Variants in COL27A1 observed in about 807,000 individuals in gnomAD.
The protein encoded by COL27A1 is collagen alpha-1(XXVII) chain.
COL27A1 carries 106 observed loss-of-function variants against 251.3 expected under a neutral mutation model. The observed-to-expected ratio is 0.42, with a 90% CI of 0.36 to 0.50. The LOEUF is 0.50. Among genes scored for constraint, COL27A1 ranks in the 20% least tolerant of loss-of-function variants. The pLI, the probability that COL27A1 is intolerant of heterozygous loss-of-function variation, is 0.00. For missense variants in COL27A1, 2,325 were observed against 2,522.8 expected, an observed-to-expected ratio of 0.92 and a Z score of 1.68; for synonymous variants, 1,000 against 986.3, an observed-to-expected ratio of 1.01 and a Z score of -0.26.
chr9:114,251,758 A>T (rs1308869808), intron 25 of COL27A1, among the ~76,000 whole-genome samples: 1 of 152,138 alleles, frequency 6.6e-6, no homozygotes, highest in African/African-American at 2.4e-5. Context: ...GCTCTTCATT[A>T]TCCTTCAGCT....
chr9:114,309,326 C>T lies in COL27A1; in HGVS notation c.5284C>T (p.His1762Tyr). ...CCTGCTAAGCTCCGAGGTGACCCAG[C>T]ACATCACCATCCACTGCCTTAACAT... ...LHLLSSEVTQ[H>Y]ITIHCLNMTV... The change falls in exon 60 of 61, where the codon CAC becomes TAC. Residue 1762 changes from histidine (H) to tyrosine (Y), a missense_variant. By Grantham distance (83) the His-to-Tyr change is moderately conservative (BLOSUM62 2). Coordinates refer to ENST00000356083, the MANE Select transcript of COL27A1 (RefSeq NM_032888.4). The T allele has an allele frequency of 6.2e-7, 1 of 1,614,162 alleles. No homozygotes were observed. Among genetic ancestry groups the T allele is most frequent in the Non-Finnish European group, 8.5e-7 (1 of 1,180,038 alleles).
At chr9:114,265,622 C>T (rs1305006040) in intron 32 of COL27A1, 147 bp downstream of exon 32, 1 of 734,002 alleles carries the variant, frequency 1.4e-6, no homozygotes, top group Non-Finnish European at 2.2e-6. Context: ...TGGTGGCGAG[C>T]ACTAAGCCAG....
intron 7 of COL27A1, among the ~76,000 whole-genome samples, chr9:114,197,698 C>A (rs768290565): frequency 6.6e-6 from 1 of 152,176 alleles, no homozygotes; most frequent in Non-Finnish European, 1.5e-5. Flanking sequence ...CCAAGAGGAG[C>A]CAACTCACCT....
At chr9:114,250,092 CTG>C (rs917189106) in intron 24 of COL27A1, among the ~76,000 whole-genome samples, 1 of 152,222 alleles carries the variant, frequency 6.6e-6, no homozygotes, top group African/African-American at 2.4e-5. Context: ...CAGCGTGTGT[CTG>C]TGTGTGCACC....
At position 114,155,803 on chromosome 9, in the gene COL27A1, C is replaced by T. The variant is rs1848081103; in HGVS notation, c.-148C>T. 2 of 548,190 alleles carry T rather than the reference C, an allele frequency of 3.6e-6. No individual in the cohort carries two copies. Among genetic ancestry groups the T allele is most frequent in the Non-Finnish European group, 2.3e-6 (1 of 432,056 alleles). 34.0% of individuals were successfully genotyped at this position (548,190 alleles called of 1,614,324 possible). ...GCCCCAGCCGCGCTGCCTGCCTGCT[C>T]GGGCGCCCCTGGGCGCGGGGCTGCG... On this transcript the variant is annotated 5_prime_UTR_variant, in exon 1 of 61. Coordinates refer to ENST00000356083, the MANE Select transcript of COL27A1 (RefSeq NM_032888.4). The surrounding 1 kb of genome is among the most constrained non-coding windows in gnomAD (Gnocchi z 5.5).
At position 114,300,614 on chromosome 9, in the gene COL27A1, G is replaced by A; in HGVS notation, c.4639-11G>A. On this transcript the variant is annotated splice_polypyrimidine_tract_variant and intron_variant, in intron 50 of 60. Coordinates refer to ENST00000356083, the MANE Select transcript of COL27A1 (RefSeq NM_032888.4). ...GCCAAGTACAGACAGCCCTTTCTCT[G>A]CCTCCCACAGGGCCCGCCTGGAGAC... The A allele has an allele frequency of 1.3e-6, 2 of 1,533,786 alleles. No homozygotes were observed. Among genetic ancestry groups the A allele is most frequent in the South Asian group, 1.3e-5 (1 of 79,548 alleles).
At chr9:114,175,859 C>T (rs145502989) in intron 3 of COL27A1, among the ~76,000 whole-genome samples, 20 of 152,320 alleles carry the variant, frequency 1.3e-4, no homozygotes, top group South Asian at 4.1e-4. Flanking sequence ...GGAAGAATCT[C>T]GCTTTTCCTC....
At chr9:114,304,413 G>A (rs1828881494) in intron 56 of COL27A1, 195 bp from the exon 57 acceptor site, 1 of 610,214 alleles carries the variant, frequency 1.6e-6, no homozygotes, top group Non-Finnish European at 2.9e-6. Flanking sequence ...GCCATGGGGA[G>A]CTATTAGTAC....
intron 6 of COL27A1, among the ~76,000 whole-genome samples, chr9:114,194,683 T>G (rs974954905): frequency 4.6e-5 from 7 of 152,246 alleles, no homozygotes; most frequent in African/African-American, 1.4e-4. Context: ...CTTTCCAGAA[T>G]GCAACCAACA....
chr9:114,185,385 C>T (rs1198809319), intron 5 of COL27A1, among the ~76,000 whole-genome samples: 17 of 152,216 alleles, frequency 1.1e-4, no homozygotes, highest in Admixed American at 1.1e-3. Context: ...GACACTTGGC[C>T]CTGAGGCCAA....
chr9:114,265,764 A>G (rs1588823294), intron 32 of COL27A1, among the ~76,000 whole-genome samples: 1 of 152,346 alleles, frequency 6.6e-6, no homozygotes, highest in East Asian at 1.9e-4. Flanking sequence ...AGTGCTTGGC[A>G]CAGGGAAAGG....
Position 114,210,305 on chromosome 9 carries a change from G to A in COL27A1, c.2322+577G>A, listed in dbSNP as rs558185250. On this transcript the variant is annotated intron_variant, in intron 11 of 60. Transcript: ENST00000356083. ...TGACAGAGACCGTATGGCCCACAGA[G>A]CCAAAGATATTCACTATCTGCCCCT... is the stretch of plus-strand genomic sequence containing the variant. Among the ~76,000 whole-genome samples the A allele has an allele frequency of 2.6e-5, 4 of 152,346 alleles. No individual in the cohort carries two copies. The South Asian group carries it at 8.3e-4, about 32-fold the overall frequency.
chr9:114,270,495 G>A (rs1329929018), intron 35 of COL27A1, among the ~76,000 whole-genome samples: 1 of 152,192 alleles, frequency 6.6e-6, no homozygotes, highest in Non-Finnish European at 1.5e-5. Flanking sequence ...CGGTAGCTTG[G>A]GGGTCTGCTC....
intron 3 of COL27A1, among the ~76,000 whole-genome samples, chr9:114,173,705 T>C (rs1474588943): frequency 6.7e-6 from 1 of 148,236 alleles, no homozygotes; most frequent in East Asian, 2.0e-4. Flanking sequence ...GATGCGGGGG[T>C]CGGGGGGAGG....
chr9:114,274,141 C>G (rs1409828635), intron 36 of COL27A1: 1 of 149,044 alleles, frequency 6.7e-6, no homozygotes, highest in South Asian at 2.2e-4. Flanking sequence ...AGTTGGGAGG[C>G]GGGGGCACTT....
At chr9:114,189,796 C>T (rs1003658900) in intron 5 of COL27A1, among the ~76,000 whole-genome samples, 5 of 152,122 alleles carry the variant, frequency 3.3e-5, no homozygotes, top group Non-Finnish European at 5.9e-5. Flanking sequence ...TAGCTCTCAT[C>T]TAGTGAAAAT....
Position 114,162,239 on chromosome 9 carries a change from C to T in COL27A1, c.63-476C>T, listed in dbSNP as rs532552739. Among the ~76,000 whole-genome samples, 10 of 152,314 alleles carry T rather than the reference C, an allele frequency of 6.6e-5. No homozygotes were observed. The South Asian group carries it at 8.3e-4, about 13-fold the overall frequency. On this transcript the variant is annotated intron_variant, in intron 1 of 60. Coordinates refer to ENST00000356083, the MANE Select transcript of COL27A1 (RefSeq NM_032888.4). ...CCCAAGCAGTCCAGCCTGGTCTTCC[C>T]GCTGACCTTTCACCCCTGGCTCTGC...
At chr9:114,267,931 G>A (rs943487120) in intron 34 of COL27A1, among the ~76,000 whole-genome samples, 4 of 152,166 alleles carry the variant, frequency 2.6e-5, no homozygotes, top group Non-Finnish European at 4.4e-5. Context: ...GGAAGAGGAC[G>A]CTGTTCCCCC....
intron 4 of COL27A1, among the ~76,000 whole-genome samples, chr9:114,181,575 C>G (rs1827919157): frequency 6.6e-6 from 1 of 152,186 alleles, no homozygotes; most frequent in Admixed American, 6.5e-5. Context: ...CCACTGGACC[C>G]TTGAGGGTGC....
Sources: gnomAD v4.1 joint callset for allele counts (sites outside exome capture counted in the v4.1 genomes callset) on GRCh38, gnomAD v4.1.1 for gene constraint, Gnocchi (gnomAD v3.1) non-coding constraint, MANE v1.5 for transcripts, NCBI Gene and HGNC (gene_info 2026-07-23, HGNC 2026-07-21) for gene names.